The following RAB20 variants were observed in gnomAD, a reference collection of about 807,000 sequenced individuals.
The protein encoded by RAB20 is RAB20, member RAS oncogene family, also known as ras-related protein Rab-20.
A neutral mutation model predicts 3.7 loss-of-function variants in RAB20; 2 were observed. That is an observed-to-expected ratio of 0.54 (90% CI 0.22 to 1.69). The LOEUF (loss-of-function observed/expected upper bound fraction) is 1.69, where lower values mean the gene tolerates loss of function less well. RAB20 is among the 40% of genes most tolerant of loss of function. RAB20 has a pLI of 0.19. For missense variants in RAB20, 276 were observed against 311.9 expected, an observed-to-expected ratio of 0.88 and a Z score of 0.87; for synonymous variants, 126 against 130.8, an observed-to-expected ratio of 0.96 and a Z score of 0.25.
intron 1 of RAB20, among the ~76,000 whole-genome samples, chr13:110,541,811 T>TCCAG (rs1458091517): frequency 2.4e-5 from 2 of 81,702 alleles, no homozygotes; most frequent in African/African-American, 1.1e-4. Context: ...AGGCGGAGTG[T>TCCAG]CCAGCCACAC....
At chr13:110,535,098 T>C (rs571104889) in intron 1 of RAB20, among the ~76,000 whole-genome samples, 2 of 152,336 alleles carry the variant, frequency 1.3e-5, no homozygotes, top group Admixed American at 1.3e-4. Context: ...CCTTCTAAAG[T>C]GCTGGGATTA....
intron 1 of RAB20, among the ~76,000 whole-genome samples, chr13:110,526,165 G>A (rs375503): frequency 0.72 from 109,617 of 152,088 alleles, 39,590 homozygotes; most frequent in African/African-American, 0.74. Flanking sequence ...ATGCCCTTAG[G>A]CCAAGAGGAG....
At chr13:110,528,304 T>C (rs1324492926) in intron 1 of RAB20, among the ~76,000 whole-genome samples, 1 of 150,086 alleles carries the variant, frequency 6.7e-6, no homozygotes, top group Non-Finnish European at 1.5e-5. Context: ...TAATCCCAGC[T>C]ACTTGGGAGG....
chr13:110,548,904 C>T (rs938083847), intron 1 of RAB20, among the ~76,000 whole-genome samples: 4 of 152,088 alleles, frequency 2.6e-5, no homozygotes, highest in African/African-American at 4.8e-5. Flanking sequence ...TGTCTGGCAC[C>T]CAGAAGCATG....
rs146014154 is a variant in RAB20 at position 110,546,722 on chromosome 13, T to TTTTG, written c.172+14622_172+14625dup. Among the ~76,000 whole-genome samples the TTTTG allele has an allele frequency of 4.6e-3, 657 of 142,872 alleles. 3 individuals carry two copies. Among genetic ancestry groups the TTTTG allele is most frequent in the East Asian group, 7.8e-3 (38 of 4,864 alleles). 93.7% of individuals were successfully genotyped at this position (142,872 alleles called of 152,430 possible). ...TCTGTTTTTTTTTGTTTTTTGGGTT[T>TTTTG]TTTGTTTGTTTGTTTGTTTGTTTGT... On this transcript the variant is annotated intron_variant, in intron 1 of 1. Transcript: ENST00000267328.
At chr13:110,525,994 C>T (rs1884423584) in intron 1 of RAB20, among the ~76,000 whole-genome samples, 1 of 152,248 alleles carries the variant, frequency 6.6e-6, no homozygotes, top group African/African-American at 2.4e-5. Context: ...CTGCTCCCAA[C>T]CACACCTGCC....
intron 1 of RAB20, among the ~76,000 whole-genome samples, chr13:110,544,834 G>A (rs34890574): frequency 0.21 from 31,220 of 152,100 alleles, 3,711 homozygotes; most frequent in East Asian, 0.36. Context: ...CTGTGTCTCC[G>A]TTCAAATCTC....
chr13:110,535,629 T>TTCCA (rs945504678), intron 1 of RAB20, among the ~76,000 whole-genome samples: 3 of 152,192 alleles, frequency 2.0e-5, no homozygotes, highest in African/African-American at 7.2e-5. Context: ...GCTTGGGCCC[T>TTCCA]TCCATTAAAT....
At chr13:110,528,419 AAAAAAAAAC>A (rs1005145723) in intron 1 of RAB20, among the ~76,000 whole-genome samples, 8 of 151,472 alleles carry the variant, frequency 5.3e-5, no homozygotes, top group Non-Finnish European at 1.2e-4. Flanking sequence ...ATCTCAAAAA[AAAAAAAAAC>A]AAAAAACAGA....
At chr13:110,525,805 T>C (rs1311190824) in intron 1 of RAB20, among the ~76,000 whole-genome samples, 7 of 152,212 alleles carry the variant, frequency 4.6e-5, no homozygotes, top group African/African-American at 1.7e-4. Flanking sequence ...AGGAAGCAGC[T>C]GTGGGAGAGG....
Position 110,523,701 on chromosome 13 carries a change from C to T in RAB20, c.669G>A (p.Lys223=). Residue 223 remains lysine (K), a synonymous_variant, in exon 2 of 2, where the codon AAG becomes AAA. Coordinates refer to ENST00000267328, the MANE Select transcript of RAB20 (RefSeq NM_017817.3). ...PSHTVDISSH[K]PPKRTRSGCC... ...ACCCAGATCTGGTCCTCTTGGGTGGCTTATGACTGGATATATCCACTGTGT... is the reference window on the plus strand; with the variant it reads ...ACCCAGATCTGGTCCTCTTGGGTGGTTTATGACTGGATATATCCACTGTGT... 6.2e-7 allele frequency: 1 copy of T among 1,614,204 alleles called. No homozygotes were observed. Among genetic ancestry groups the T allele is most frequent in the Admixed American group, 1.7e-5 (1 of 60,016 alleles).
rs1178923934 is a variant in RAB20, at chr13:110,555,290, G to A, written c.172+6058C>T. On this transcript the variant is annotated intron_variant, in intron 1 of 1. Coordinates refer to ENST00000267328, the MANE Select transcript of RAB20 (RefSeq NM_017817.3). This position sits in a 1 kb window ranked among gnomAD's most constrained non-coding sequence, Gnocchi z 4.0. ...CGCGCCGGAATAGAACTCAAATGAG[G>A]CTTGAATTCCTCTTCCACGTGACAA... Among the ~76,000 whole-genome samples, 1 of 152,186 alleles carries A rather than the reference G, an allele frequency of 6.6e-6. No individual in the cohort carries two copies. The highest frequency in any genetic ancestry group is 1.5e-5 in the Non-Finnish European group (1 of 68,040).
chr13:110,527,135 A>C (rs1021326076), intron 1 of RAB20, among the ~76,000 whole-genome samples: 2 of 151,934 alleles, frequency 1.3e-5, no homozygotes, highest in African/African-American at 4.8e-5. Context: ...GCACAACCAA[A>C]TTTCATCCCA....
intron 1 of RAB20, among the ~76,000 whole-genome samples, chr13:110,537,971 C>G (rs2391839): frequency 0.33 from 50,701 of 151,778 alleles, 9,378 homozygotes; most frequent in African/African-American, 0.49. Flanking sequence ...CAGGATGGAT[C>G]AGGAAAAAAA....
chr13:110,553,858 G>A (rs1464933800), intron 1 of RAB20, among the ~76,000 whole-genome samples: 9 of 152,236 alleles, frequency 5.9e-5, no homozygotes, highest in African/African-American at 1.7e-4. Context: ...GCTCATGCCT[G>A]TAATGCCAGC....
chr13:110,545,852 T>A lies in RAB20; in HGVS notation c.172+15496A>T, dbSNP rs1198215684. On this transcript the variant is annotated intron_variant, in intron 1 of 1. Transcript: ENST00000267328. ...TTTACAGTCCTTCGTTCTCTATTAT[T>A]AAGCAATTAATGACTAGAGCCTTGC... Among the ~76,000 whole-genome samples the A allele has an allele frequency of 2.0e-5, 3 of 152,322 alleles. No homozygotes were observed. The South Asian group carries it at 6.2e-4, about 32-fold the overall frequency.
intron 1 of RAB20, among the ~76,000 whole-genome samples, chr13:110,545,931 C>A (rs372826609): frequency 9.2e-5 from 14 of 152,144 alleles, no homozygotes; most frequent in African/African-American, 3.1e-4. Flanking sequence ...GTTTCATGAT[C>A]TGACTCCACA....
In RAB20 at chr13:110,527,940, CACAT is replaced by C. The variant is rs60607346; in HGVS notation, c.173-3747_173-3744del. ...ACACACACACACACACACACACACA[CACAT>C]ACACTTTAATTAGCCAGGCATGGTG... On this transcript the variant is annotated intron_variant, in intron 1 of 1. Transcript: ENST00000267328. Among the ~76,000 whole-genome samples, 541 of 123,394 alleles carry C rather than the reference CACAT, an allele frequency of 4.4e-3. 7 individuals carry two copies. The highest frequency in any genetic ancestry group is 0.017 in the African/African-American group (467 of 27,044). 81.0% of individuals were successfully genotyped at this position (123,394 alleles called of 152,430 possible).
chr13:110,555,520 C>G lies in RAB20; in HGVS notation c.172+5828G>C, dbSNP rs1310404196. On this transcript the variant is annotated intron_variant, in intron 1 of 1. Coordinates refer to ENST00000267328, the MANE Select transcript of RAB20 (RefSeq NM_017817.3). The surrounding 1 kb of genome is among the most constrained non-coding windows in gnomAD (Gnocchi z 4.0). ...CATCTCTCTTCCACATCTTTGCCGTCCACCCGTCCTTGGGTTCTGGCACCA... is the reference window on the plus strand; with the variant it reads ...CATCTCTCTTCCACATCTTTGCCGTGCACCCGTCCTTGGGTTCTGGCACCA... Among the ~76,000 whole-genome samples the G allele has an allele frequency of 6.6e-6, 1 of 152,218 alleles. No individual in the cohort carries two copies. The highest frequency in any genetic ancestry group is 6.5e-5 in the Admixed American group (1 of 15,284).
Sources: gnomAD v4.1 joint callset for allele counts (sites outside exome capture counted in the v4.1 genomes callset) on GRCh38, gnomAD v4.1.1 for gene constraint, Gnocchi (gnomAD v3.1) non-coding constraint, MANE v1.5 for transcripts, NCBI Gene and HGNC (gene_info 2026-07-23, HGNC 2026-07-21) for gene names.